The following SGCD variants were observed in gnomAD, a reference collection of about 807,000 sequenced individuals.
SGCD encodes delta-sarcoglycan.
In SGCD, 18 loss-of-function variants were observed where a neutral mutation model predicts 36.6. The ratio of observed to expected loss-of-function variants is 0.49; its 90% confidence interval spans 0.34 to 0.73. The LOEUF (loss-of-function observed/expected upper bound fraction) is 0.73, where lower values mean the gene tolerates loss of function less well. Ranked by LOEUF, SGCD falls within the 30% of genes least tolerant of loss-of-function variation. SGCD has a pLI of 0.01. For missense variants in SGCD, 387 were observed against 346.7 expected, an observed-to-expected ratio of 1.12 and a Z score of -0.92; for synonymous variants, 133 against 130.6, an observed-to-expected ratio of 1.02 and a Z score of -0.12.
chr5:156,479,312 T>C (rs777871263), intron 3 of SGCD, among the ~76,000 whole-genome samples: 9 of 151,984 alleles, frequency 5.9e-5, no homozygotes, highest in South Asian at 2.1e-4. Context: ...GCCAGGCTGG[T>C]CTTGAACTCC....
chr5:156,714,842 T>C (rs1755149916), intron 7 of SGCD, among the ~76,000 whole-genome samples: 1 of 152,268 alleles, frequency 6.6e-6, no homozygotes, highest in Admixed American at 6.5e-5. Context: ...TTTTTTTTAA[T>C]ATGCATCCTT....
intron 1 of SGCD, among the ~76,000 whole-genome samples, chr5:155,886,747 G>A (rs1756011994): frequency 6.6e-6 from 1 of 152,170 alleles, no homozygotes; most frequent in Non-Finnish European, 1.5e-5. Flanking sequence ...CAAGCTTCTG[G>A]GACTAGCAGC....
intron 4 of SGCD, among the ~76,000 whole-genome samples, chr5:156,575,462 C>T (rs139150754): frequency 6.6e-6 from 1 of 152,276 alleles, no homozygotes; most frequent in Non-Finnish European, 1.5e-5. Context: ...CTCTAGAGTG[C>T]TAGTCCTATC....
chr5:156,373,641 C>T (rs1770507673), intron 3 of SGCD, among the ~76,000 whole-genome samples: 1 of 152,136 alleles, frequency 6.6e-6, no homozygotes, highest in Non-Finnish European at 1.5e-5. Context: ...ATGACTCTGA[C>T]TTTAATAATA....
In SGCD at chr5:156,410,892, A is replaced by G. The variant is rs138703037; in HGVS notation, c.192+66215A>G. Among the ~76,000 whole-genome samples, 26 of 152,076 alleles carry G rather than the reference A, an allele frequency of 1.7e-4. No homozygotes were observed. In the East Asian group the frequency reaches 5.0e-3, roughly 29 times the overall value. On this transcript the variant is annotated intron_variant, in intron 3 of 8. Transcript: ENST00000337851. Reference sequence around the variant, plus strand: ...AATCCTCCCTTCTTCTTCTCCCTGGACAAGATCAACTCTCACTTCATGAAA... The same window carrying G: ...AATCCTCCCTTCTTCTTCTCCCTGGGCAAGATCAACTCTCACTTCATGAAA...
chr5:156,662,482 CAA>C (rs1278387819), intron 7 of SGCD, among the ~76,000 whole-genome samples: 5 of 149,282 alleles, frequency 3.3e-5, no homozygotes, highest in Admixed American at 2.0e-4. Flanking sequence ...GCTCGACCTA[CAA>C]AAGTCTGACA....
chr5:155,874,233 A>C (rs1249241007), intron 1 of SGCD, among the ~76,000 whole-genome samples: 1 of 152,164 alleles, frequency 6.6e-6, no homozygotes, highest in African/African-American at 2.4e-5. Flanking sequence ...GTGATATGAA[A>C]GAAAGGAAAG....
rs190099256 is a variant in SGCD at position 156,069,346 on chromosome 5, A to G, written c.-281-48532A>G. 2.8e-3 allele frequency among the ~76,000 whole-genome samples: 431 copies of G among 152,236 alleles called. 2 individuals carry two copies. Among genetic ancestry groups the G allele is most frequent in the Non-Finnish European group, 4.6e-3 (310 of 68,036 alleles). On this transcript the variant is annotated intron_variant, in intron 1 of 9. Coordinates refer to the SGCD transcript ENST00000517913. ...CATTTTCAGCTTTCCATATATGGCT[A>G]GCCAGTTTTCCCAGCACCATTTATT...
At chr5:156,402,461 G>A (rs145838921) in intron 3 of SGCD, among the ~76,000 whole-genome samples, 178 of 152,216 alleles carry the variant, frequency 1.2e-3, no homozygotes, top group African/African-American at 3.9e-3. Flanking sequence ...ATGATTCAGC[G>A]CAGACTGCTC....
chr5:155,776,724 G>T, the SGCD span, among the ~76,000 whole-genome samples: 1 of 140,848 alleles, frequency 7.1e-6, no homozygotes, highest in Non-Finnish European at 1.5e-5. Flanking sequence ...ATAGTTTTCT[G>T]AAAAGCAAAT....
At chr5:156,332,500 A>T (rs1364840179) in intron 2 of SGCD, among the ~76,000 whole-genome samples, 2 of 152,144 alleles carry the variant, frequency 1.3e-5, no homozygotes, top group African/African-American at 4.8e-5. Flanking sequence ...ATTTTTCTAG[A>T]GTTTCTCAAC....
chr5:155,829,635 A>C, the SGCD span, among the ~76,000 whole-genome samples: 4 of 152,202 alleles, frequency 2.6e-5, no homozygotes, highest in Non-Finnish European at 4.4e-5. Flanking sequence ...TTGTAAGATA[A>C]CTCATAGCCT....
At chr5:156,407,509 A>C (rs1310912973) in intron 3 of SGCD, among the ~76,000 whole-genome samples, 1 of 152,222 alleles carries the variant, frequency 6.6e-6, no homozygotes, top group Non-Finnish European at 1.5e-5. Context: ...AAACTCATAA[A>C]ATGTTGAACA....
At chr5:156,361,579 C>A (rs1294153288) in intron 3 of SGCD, among the ~76,000 whole-genome samples, 1 of 152,100 alleles carries the variant, frequency 6.6e-6, no homozygotes. Context: ...AATTGTCTTA[C>A]AAAGAGGAAA....
intron 3 of SGCD, among the ~76,000 whole-genome samples, chr5:156,154,417 T>C (rs1318055748): frequency 6.6e-6 from 1 of 151,656 alleles, no homozygotes; most frequent in Non-Finnish European, 1.5e-5. Context: ...ATCTGAGAAA[T>C]ATATTTGCTA....
At chr5:155,769,270 T>G in the SGCD span, among the ~76,000 whole-genome samples, 2 of 151,970 alleles carry the variant, frequency 1.3e-5, no homozygotes, top group Admixed American at 6.6e-5. Flanking sequence ...AGGAGGCTAT[T>G]GTGGAGAAGG....
chr5:156,000,213 G>C (rs1758636114), intron 1 of SGCD, among the ~76,000 whole-genome samples: 1 of 152,264 alleles, frequency 6.6e-6, no homozygotes, highest in East Asian at 1.9e-4. Flanking sequence ...GGCTCTGTGG[G>C]CCTGGGGTAC....
chr5:156,605,050 T>TGC (rs1365392178), intron 6 of SGCD, among the ~76,000 whole-genome samples: 1 of 151,892 alleles, frequency 6.6e-6, no homozygotes, highest in East Asian at 1.9e-4. Flanking sequence ...CTTGTGTGTG[T>TGC]GTGTGTTTTA....
chr5:156,148,946 T>G (rs952116040), intron 3 of SGCD, among the ~76,000 whole-genome samples: 27 of 152,366 alleles, frequency 1.8e-4, no homozygotes, highest in African/African-American at 6.3e-4. Context: ...CTTCAGGGTC[T>G]GAGAAAGACT....
Sources: gnomAD v4.1 joint callset for allele counts (sites outside exome capture counted in the v4.1 genomes callset) on GRCh38, gnomAD v4.1.1 for gene constraint, MANE v1.5 for transcripts, NCBI Gene and HGNC (gene_info 2026-07-23, HGNC 2026-07-21) for gene names.